The following CSPP1 variants were observed in gnomAD, a reference collection of about 807,000 sequenced individuals.
The protein encoded by CSPP1 is centrosome and spindle pole associated protein 1.
A neutral mutation model predicts 164.4 loss-of-function variants in CSPP1; 126 were observed. That is an observed-to-expected ratio of 0.77 (90% CI 0.66 to 0.89). The LOEUF (loss-of-function observed/expected upper bound fraction) is 0.89, where lower values mean the gene tolerates loss of function less well. Among genes scored for constraint, CSPP1 ranks in the 40% least tolerant of loss-of-function variants. The pLI is 0.00. For synonymous variants in CSPP1, 472 were observed against 476.7 expected, an observed-to-expected ratio of 0.99 and a Z score of 0.13; for missense variants, 1,395 against 1,449.8, an observed-to-expected ratio of 0.96 and a Z score of 0.61.
At chr8:67,098,121 T>C (rs1044211576) in intron 7 of CSPP1, among the ~76,000 whole-genome samples, 1 of 151,576 alleles carries the variant, frequency 6.6e-6, no homozygotes, top group Non-Finnish European at 1.5e-5. Flanking sequence ...ACTGTATTTG[T>C]GAAAATTTTG....
chr8:67,160,071 C>G (rs1828023395), intron 21 of CSPP1, among the ~76,000 whole-genome samples: 2 of 126,688 alleles, frequency 1.6e-5, no homozygotes, highest in Admixed American at 8.7e-5. Context: ...TTTAAGAGAC[C>G]AGGTCTTGCT....
intron 17 of CSPP1, among the ~76,000 whole-genome samples, chr8:67,147,064 C>G (rs1184818269): frequency 1.3e-5 from 2 of 152,156 alleles, no homozygotes. Flanking sequence ...TAATTATGTA[C>G]TCTGATGAAA....
intron 17 of CSPP1, among the ~76,000 whole-genome samples, chr8:67,140,158 CACTGCA>C (rs1429428920): frequency 6.6e-6 from 1 of 152,146 alleles, no homozygotes; most frequent in East Asian, 1.9e-4. Context: ...CATCTTGGCT[CACTGCA>C]ACCTCTGCCT....
intron 30 of CSPP1, 74 bp from the exon 31 acceptor site, chr8:67,195,305 GACT>G (rs1270173089): frequency 2.3e-6 from 2 of 863,108 alleles, no homozygotes; most frequent in African/African-American, 3.3e-5. Context: ...TAATGAGTTG[GACT>G]ACAAGAGACC....
chr8:67,195,400 T>C lies in CSPP1; in HGVS notation c.3488T>C (p.Val1163Ala). 6.2e-7 allele frequency: 1 copy of C among 1,613,954 alleles called. No homozygotes were observed. The highest frequency in any genetic ancestry group is 8.5e-7 in the Non-Finnish European group (1 of 1,179,856). The change falls in exon 31 of 31, where the codon GTT (valine) becomes GCT (alanine). Residue 1163 changes from valine to alanine, a missense_variant. Transcript: ENST00000678616. ...PINTDDESSLVDPDDIMKHIG... is the reference protein window; with the variant it reads ...PINTDDESSLADPDDIMKHIG... ...CCTGTAGATGATGAGAGTTCACTGG[T>C]TGACCCTGATGACATCATGAAACAC... is the stretch of plus-strand genomic sequence containing the variant.
chr8:67,077,641 T>C (rs1808241979), intron 3 of CSPP1, among the ~76,000 whole-genome samples: 1 of 152,230 alleles, frequency 6.6e-6, no homozygotes, highest in African/African-American at 2.4e-5. Flanking sequence ...GCCCGACCTG[T>C]ATGAATATTT....
At chr8:67,175,108 GAA>G (rs1831297174) in intron 25 of CSPP1, 186 bp from the exon 26 acceptor site, 1 of 573,220 alleles carries the variant, frequency 1.7e-6, no homozygotes, top group Admixed American at 3.1e-5. Context: ...ACTTATTAAA[GAA>G]TATTAATTTC....
At chr8:67,147,347 T>G (rs1448003789) in intron 17 of CSPP1, among the ~76,000 whole-genome samples, 1 of 152,212 alleles carries the variant, frequency 6.6e-6, no homozygotes, top group East Asian at 1.9e-4. Context: ...TTCTGTGGTT[T>G]CACCCAGTCC....
intron 17 of CSPP1, among the ~76,000 whole-genome samples, chr8:67,139,371 A>G (rs1170493048): frequency 6.6e-6 from 1 of 152,104 alleles, no homozygotes; most frequent in East Asian, 1.9e-4. Flanking sequence ...GTGGAGAAAT[A>G]GGAACACTTT....
rs908400781 is a variant in CSPP1 at position 67,066,033 on chromosome 8, C to T, written c.-11+1495C>T. Among the ~76,000 whole-genome samples the T allele has an allele frequency of 2.6e-5, 4 of 152,170 alleles. No individual in the cohort carries two copies. In the East Asian group the frequency reaches 7.7e-4, roughly 29 times the overall value. The stretch of plus-strand genomic sequence containing the variant: ...GGTTCTGATGTACTTTCCTGAGTGG[C>T]AGGCAAGGGTGTTTGAGCAAGTGTT... On this transcript the variant is annotated intron_variant, in intron 1 of 30. Transcript: ENST00000678616.
chr8:67,113,904 A>G (rs1413390494), intron 11 of CSPP1, 42 bp downstream of exon 11: 2 of 1,221,824 alleles, frequency 1.6e-6, no homozygotes, highest in Non-Finnish European at 2.4e-6. Context: ...TCTTTCATCA[A>G]ATGATCCTCA....
At chr8:67,131,741 C>G (rs914518965) in intron 15 of CSPP1, among the ~76,000 whole-genome samples, 1 of 152,136 alleles carries the variant, frequency 6.6e-6, no homozygotes, top group African/African-American at 2.4e-5. Flanking sequence ...GAAATAGATA[C>G]AGTGAATTTG....
At chr8:67,107,281 C>G (rs1157474114) in intron 9 of CSPP1, among the ~76,000 whole-genome samples, 2 of 152,122 alleles carry the variant, frequency 1.3e-5, no homozygotes, top group Non-Finnish European at 2.9e-5. Context: ...CTCCTGACCT[C>G]AAGTGATGTG....
chr8:67,081,503 C>T (rs1041050251), intron 3 of CSPP1, among the ~76,000 whole-genome samples: 8 of 151,998 alleles, frequency 5.3e-5, no homozygotes, highest in Non-Finnish European at 1.2e-4. Context: ...GAGAAAGTCA[C>T]CTGAAAGTGA....
At chr8:67,117,773 C>CTT in intron 13 of CSPP1, among the ~76,000 whole-genome samples, 1 of 152,302 alleles carries the variant, frequency 6.6e-6, no homozygotes, top group Admixed American at 6.5e-5. Flanking sequence ...TCTGGAAAGC[C>CTT]TTACATGTGC....
intron 5 of CSPP1, among the ~76,000 whole-genome samples, 192 bp from the exon 6 acceptor site, chr8:67,093,351 G>A (rs1449698729): frequency 2.6e-5 from 4 of 152,220 alleles, no homozygotes; most frequent in African/African-American, 7.2e-5. Flanking sequence ...GGAGCTGTAT[G>A]TGTGTCCTCA....
intron 28 of CSPP1, among the ~76,000 whole-genome samples, chr8:67,188,198 A>G (rs901614665): frequency 9.2e-5 from 14 of 152,256 alleles, no homozygotes; most frequent in Non-Finnish European, 1.8e-4. Flanking sequence ...ATAAGAAAAC[A>G]AAATACCTGA....
chr8:67,181,716 A>G (rs536031719), intron 28 of CSPP1, among the ~76,000 whole-genome samples: 47 of 152,210 alleles, frequency 3.1e-4, no homozygotes, highest in Non-Finnish European at 5.9e-4. Flanking sequence ...TAACCATTTT[A>G]AAGTGTACAT....
chr8:67,133,790 A>G (rs2129554505), intron 16 of CSPP1: 1 of 152,364 alleles, frequency 6.6e-6, no homozygotes, highest in East Asian at 1.9e-4. Flanking sequence ...AACCCTGCTG[A>G]TGCTTTATCA....
Sources: gnomAD v4.1 joint callset for allele counts (sites outside exome capture counted in the v4.1 genomes callset) on GRCh38, gnomAD v4.1.1 for gene constraint, MANE v1.5 for transcripts, NCBI Gene and HGNC (gene_info 2026-07-23, HGNC 2026-07-21) for gene names.